SAP130: variants seen among roughly 807,000 people sequenced by gnomAD.
SAP130 encodes the protein Sin3A associated protein 130.
SAP130 carries 16 observed loss-of-function variants against 103.2 expected under a neutral mutation model. That is an observed-to-expected ratio of 0.16 (90% CI 0.10 to 0.24). The LOEUF (loss-of-function observed/expected upper bound fraction) is 0.24, where lower values mean the gene tolerates loss of function less well. SAP130 is among the 10% of genes least tolerant of loss of function. The pLI is 1.00. For missense variants in SAP130, 990 were observed against 1,359.7 expected, an observed-to-expected ratio of 0.73 and a Z score of 4.28; for synonymous variants, 477 against 497.0, an observed-to-expected ratio of 0.96 and a Z score of 0.53.
At chr2:127,993,989 A>C (rs1682995808) in intron 11 of SAP130, among the ~76,000 whole-genome samples, 1 of 152,190 alleles carries the variant, frequency 6.6e-6, no homozygotes, top group Non-Finnish European at 1.5e-5. Context: ...GACAAAAGAA[A>C]GATTATAAAC....
At chr2:128,003,332 C>T (rs997743658) in intron 7 of SAP130, among the ~76,000 whole-genome samples, 1 of 151,666 alleles carries the variant, frequency 6.6e-6, no homozygotes, top group Non-Finnish European at 1.5e-5. Flanking sequence ...CATGGCAAGG[C>T]CCAGTCTCTA....
intron 1 of SAP130, chr2:128,027,046 G>T: frequency 7.2e-7 from 1 of 1,381,620 alleles, no homozygotes. Context: ...GGTGCGGACG[G>T]GCGATCTGGG....
intron 15 of SAP130, among the ~76,000 whole-genome samples, chr2:127,961,305 ATT>A (rs70985491): frequency 1.4e-5 from 2 of 142,500 alleles, no homozygotes; most frequent in Admixed American, 7.1e-5. Flanking sequence ...TGCCCAGCTA[ATT>A]TTTTTTTTTT....
intron 7 of SAP130, among the ~76,000 whole-genome samples, chr2:128,003,957 CTTTTT>C (rs61211577): frequency 0.017 from 1,123 of 67,440 alleles, no homozygotes; most frequent in Non-Finnish European, 0.027. Flanking sequence ...CACAGATCAG[CTTTTT>C]TTTTTTTTTT....
rs1316615648 is a variant in SAP130, at chr2:128,027,999, T to G, written c.-66A>C. ...TGAGCTCGCTCCCGCGCGCTCTCCGTCTGTGGGGCCGACGTCCCCAGGCTC... is the reference window on the plus strand; with the variant it reads ...TGAGCTCGCTCCCGCGCGCTCTCCGGCTGTGGGGCCGACGTCCCCAGGCTC... On this transcript the variant is annotated 5_prime_UTR_variant, in exon 1 of 21. Transcript: ENST00000643581. The G allele has an allele frequency of 2.0e-6, 2 of 985,538 alleles. No individual in the cohort carries two copies. The highest frequency in any genetic ancestry group is 1.2e-4 in the Admixed American group (2 of 16,284). The allele number at this position is 985,538 out of a possible 1,614,324, so 61.0% of individuals were successfully genotyped here.
intron 11 of SAP130, among the ~76,000 whole-genome samples, chr2:127,994,613 G>A (rs575741505): frequency 2.6e-5 from 4 of 151,446 alleles, no homozygotes; most frequent in African/African-American, 4.8e-5. Context: ...AAAAAACTTC[G>A]CCAGGCATGA....
chr2:128,003,499 C>T (rs1222673287), intron 7 of SAP130, among the ~76,000 whole-genome samples: 1 of 150,222 alleles, frequency 6.7e-6, no homozygotes, highest in Non-Finnish European at 1.5e-5. Context: ...TTCAAGGTCT[C>T]CTCCCACCTC....
In SAP130 at chr2:127,963,618, A is replaced by C. The variant is rs1680420444; in HGVS notation, c.2064-8274T>G. 2.0e-5 allele frequency among the ~76,000 whole-genome samples: 3 copies of C among 152,140 alleles called. 1 individual carries two copies. The highest frequency in any genetic ancestry group is 4.8e-5 in the African/African-American group (2 of 41,434). On this transcript the variant is annotated intron_variant, in intron 15 of 20. Coordinates refer to ENST00000643581, the MANE Select transcript of SAP130 (RefSeq NM_001330301.2). ...TGGTTTGGCTCTGTGTCCCCACACA[A>C]ATCTCATCTTGTAGCTCCCATGATT... is the stretch of plus-strand genomic sequence containing the variant.
At chr2:128,006,959 A>G (rs1684024373) in intron 7 of SAP130, among the ~76,000 whole-genome samples, 1 of 152,242 alleles carries the variant, frequency 6.6e-6, no homozygotes, top group Admixed American at 6.5e-5. Context: ...TCATCTGATT[A>G]GGGTTTTTGT....
chr2:127,979,346 A>G (rs1343681253), intron 14 of SAP130, among the ~76,000 whole-genome samples: 1 of 152,204 alleles, frequency 6.6e-6, no homozygotes, highest in Non-Finnish European at 1.5e-5. Context: ...CTATAAGATA[A>G]TACATGTCTG....
chr2:128,015,667 T>C (rs909446686), intron 4 of SAP130, among the ~76,000 whole-genome samples: 2 of 151,942 alleles, frequency 1.3e-5, no homozygotes, highest in African/African-American at 4.8e-5. Flanking sequence ...TAAGGCTGGG[T>C]GCGGTGGCTC....
chr2:127,985,104 C>T (rs925676298), intron 14 of SAP130, among the ~76,000 whole-genome samples: 1 of 152,238 alleles, frequency 6.6e-6, no homozygotes, highest in Non-Finnish European at 1.5e-5. Context: ...GCTTCAGTTG[C>T]TACTGTGTCC....
At chr2:127,952,341 C>T (rs1679548640) in intron 16 of SAP130, among the ~76,000 whole-genome samples, 2 of 151,734 alleles carry the variant, frequency 1.3e-5, no homozygotes, top group South Asian at 4.2e-4. Flanking sequence ...ATCCCCGCTA[C>T]TCAGGAGGCT....
chr2:128,002,114 A>C (rs1683604532), intron 7 of SAP130, among the ~76,000 whole-genome samples: 1 of 152,114 alleles, frequency 6.6e-6, no homozygotes, highest in African/African-American at 2.4e-5. Flanking sequence ...TTTAGTAGAG[A>C]CGTGGTTTCA....
rs766763706 is a variant in SAP130, at chr2:127,989,224, G to C, written c.1780+340C>G. 6.6e-6 allele frequency among the ~76,000 whole-genome samples: 1 copy of C among 151,218 alleles called. No homozygotes were observed. The highest frequency in any genetic ancestry group is 1.5e-5 in the Non-Finnish European group (1 of 67,856). ...CGCCATTCTCTCGCCTCAGCCTCCC[G>C]AGTAGCTAGGACTACAGGCCCCCGC... On this transcript the variant is annotated intron_variant, in intron 13 of 20. Transcript: ENST00000643581. This position sits in a 1 kb window ranked among gnomAD's most constrained non-coding sequence, Gnocchi z 4.6.
Position 127,945,443 on chromosome 2 carries a change from G to C in SAP130, c.2901+13C>G, listed in dbSNP as rs13430485. 5 of 1,516,980 alleles carry C rather than the reference G, an allele frequency of 3.3e-6. No homozygotes were observed. The highest frequency in any genetic ancestry group is 4.6e-6 in the Non-Finnish European group (5 of 1,091,340). 94.0% of individuals were successfully genotyped at this position (1,516,980 alleles called of 1,614,324 possible). A position where few individuals can be genotyped will look rare whatever the true frequency, so the allele number is the denominator to read the frequency against. On this transcript the variant is annotated intron_variant, in intron 19 of 20. Transcript: ENST00000643581. ...TCTTCAGCATGATGAACAACTGCTA[G>C]AACTCCACCTACCAGCTGTAGTAAC...
intron 16 of SAP130, among the ~76,000 whole-genome samples, chr2:127,950,865 T>C (rs1481567196): frequency 6.6e-6 from 1 of 152,030 alleles, no homozygotes; most frequent in Non-Finnish European, 1.5e-5. Context: ...ATCCTAGGGG[T>C]GGTGGAGCAA....
At chr2:128,000,704 C>A (rs1683493910) in intron 7 of SAP130, among the ~76,000 whole-genome samples, 1 of 152,142 alleles carries the variant, frequency 6.6e-6, no homozygotes, top group Admixed American at 6.6e-5. Context: ...AGTTAATCAA[C>A]ACTCCGTAAC....
At chr2:127,977,335 C>CAAAAAAAAAAAAAAA (rs36038328) in intron 15 of SAP130, among the ~76,000 whole-genome samples, 1 of 111,764 alleles carries the variant, frequency 8.9e-6, no homozygotes, top group Admixed American at 1.0e-4. Context: ...ACTTAAAATA[C>CAAAAAAAAAAAAAAA]AAAAAAAAAA....
Sources: gnomAD v4.1 joint callset for allele counts (sites outside exome capture counted in the v4.1 genomes callset) on GRCh38, gnomAD v4.1.1 for gene constraint, Gnocchi (gnomAD v3.1) non-coding constraint, MANE v1.5 for transcripts, NCBI Gene and HGNC (gene_info 2026-07-23, HGNC 2026-07-21) for gene names.